Variants in DOCK3 observed in about 807,000 individuals in gnomAD.
DOCK3 encodes dedicator of cytokinesis protein 3.
Under a neutral mutation model 265.6 loss-of-function variants are expected in DOCK3, and 60 were observed. That is an observed-to-expected ratio of 0.23 (90% confidence interval 0.18 to 0.28). DOCK3 has a LOEUF of 0.28. Among genes scored for constraint, DOCK3 ranks in the 10% least tolerant of loss-of-function variants. DOCK3 has a pLI of 1.00. For synonymous variants in DOCK3, 881 were observed against 938.0 expected, an observed-to-expected ratio of 0.94 and a Z score of 1.11; for missense variants, 1,981 against 2,594.3, an observed-to-expected ratio of 0.76 and a Z score of 5.14.
chr3:50,889,171 A>G (rs1403140214), intron 3 of DOCK3, among the ~76,000 whole-genome samples: 2 of 148,848 alleles, frequency 1.3e-5, no homozygotes, highest in Non-Finnish European at 1.5e-5. Flanking sequence ...ATCATAGCTC[A>G]CTGTAGCCCC....
At chr3:51,154,801 A>G (rs1026147709) in intron 10 of DOCK3, among the ~76,000 whole-genome samples, 4 of 152,120 alleles carry the variant, frequency 2.6e-5, no homozygotes, top group African/African-American at 7.2e-5. Context: ...TAAAATTTTC[A>G]TTTAGCATTT....
At chr3:51,249,568 G>A (rs200729815) in intron 22 of DOCK3, among the ~76,000 whole-genome samples, 46,598 of 58,388 alleles carry the variant, frequency 0.8, 19,294 homozygotes, top group African/African-American at 0.9. Flanking sequence ...TCAGCCCCCC[G>A]CCCGGCCAGC....
chr3:50,743,072 A>T (rs1342255594), intron 1 of DOCK3, among the ~76,000 whole-genome samples: 1 of 151,976 alleles, frequency 6.6e-6, no homozygotes, highest in Non-Finnish European at 1.5e-5. Context: ...TCAACCCAGA[A>T]TTTCATATCC....
intron 12 of DOCK3, among the ~76,000 whole-genome samples, chr3:51,173,850 T>C (rs2107654814): frequency 6.6e-6 from 1 of 152,316 alleles, no homozygotes; most frequent in South Asian, 2.1e-4. Flanking sequence ...ATCTCTCCTA[T>C]GATTTAGAAC....
intron 35 of DOCK3, among the ~76,000 whole-genome samples, chr3:51,334,228 C>T (rs543838514): frequency 1.6e-4 from 25 of 152,302 alleles, no homozygotes; most frequent in African/African-American, 5.8e-4. Context: ...AATGAAGCCA[C>T]AACTGCAGCC....
intron 1 of DOCK3, among the ~76,000 whole-genome samples, chr3:50,692,717 A>C (rs975433981): frequency 6.6e-6 from 1 of 152,200 alleles, no homozygotes; most frequent in Admixed American, 6.5e-5. Context: ...CCTTCGATGC[A>C]TGAAAGTTTT....
chr3:51,238,899 G>T (rs898408186), intron 21 of DOCK3, among the ~76,000 whole-genome samples: 2 of 152,104 alleles, frequency 1.3e-5, no homozygotes, highest in Non-Finnish European at 2.9e-5. Context: ...TTGCCATTGT[G>T]AACAGTGCTG....
intron 5 of DOCK3, among the ~76,000 whole-genome samples, chr3:50,989,507 A>G (rs1208362655): frequency 2.0e-5 from 3 of 152,214 alleles, no homozygotes; most frequent in Non-Finnish European, 4.4e-5. Flanking sequence ...CCTAAGTGCC[A>G]CCAACTGGAT....
chr3:50,833,440 G>A (rs1398657132), intron 2 of DOCK3, among the ~76,000 whole-genome samples: 2 of 152,080 alleles, frequency 1.3e-5, no homozygotes, highest in African/African-American at 4.8e-5. Context: ...TTTTCACATA[G>A]GCTTTTTAAA....
chr3:51,381,737 C>T lies in DOCK3; in HGVS notation c.*178C>T. On this transcript the variant is annotated 3_prime_UTR_variant, in exon 53 of 53. Coordinates refer to ENST00000266037, the MANE Select transcript of DOCK3 (RefSeq NM_004947.5). This position sits in a 1 kb window ranked among gnomAD's most constrained non-coding sequence, Gnocchi z 5.6. Reference sequence around the variant, plus strand: ...ACTCATGTGTTGCCATGTACAGAGGCCACAGCAGCATGAAGGGTTGTGGCT... The same window carrying T: ...ACTCATGTGTTGCCATGTACAGAGGTCACAGCAGCATGAAGGGTTGTGGCT... The T allele has an allele frequency of 1.3e-6, 1 of 744,770 alleles. No homozygotes were observed. Among genetic ancestry groups the T allele is most frequent in the Non-Finnish European group, 2.0e-6 (1 of 503,856 alleles). The allele number at this position is 744,770 out of a possible 1,614,324, so 46.1% of individuals were successfully genotyped here. A position where few individuals can be genotyped will look rare whatever the true frequency, so the allele number is the denominator to read the frequency against.
chr3:50,911,427 T>A (rs1187472837), intron 4 of DOCK3, among the ~76,000 whole-genome samples: 1 of 152,140 alleles, frequency 6.6e-6, no homozygotes, highest in African/African-American at 2.4e-5. Flanking sequence ...CTTTCTCCAA[T>A]GTATGTTTTT....
At chr3:50,814,630 T>C (rs769878285) in intron 2 of DOCK3, among the ~76,000 whole-genome samples, 1 of 152,164 alleles carries the variant, frequency 6.6e-6, no homozygotes, top group Non-Finnish European at 1.5e-5. Context: ...GTTTCTTTTC[T>C]GTTCTATAAT....
chr3:50,763,890 A>G (rs944076974), intron 1 of DOCK3, among the ~76,000 whole-genome samples: 4 of 152,166 alleles, frequency 2.6e-5, no homozygotes, highest in East Asian at 1.9e-4. Context: ...ATATTGGTCT[A>G]TATGTATACA....
At chr3:51,377,350 T>C (rs1228629124) in intron 51 of DOCK3, among the ~76,000 whole-genome samples, 1 of 152,250 alleles carries the variant, frequency 6.6e-6, no homozygotes, top group East Asian at 1.9e-4. Flanking sequence ...ACCTGGATCC[T>C]CCAGGGCAGG....
chr3:51,330,011 G>T, intron 32 of DOCK3, 127 bp from the exon 33 acceptor site: 1 of 911,270 alleles, frequency 1.1e-6, no homozygotes. Context: ...ACCTTCCCTG[G>T]GATTTCTTTG....
At chr3:51,091,534 T>C (rs2082635583) in intron 9 of DOCK3, among the ~76,000 whole-genome samples, 3 of 151,860 alleles carry the variant, frequency 2.0e-5, no homozygotes, top group South Asian at 4.2e-4. Context: ...ATACAAAAAA[T>C]TAGCTGGGCG....
At chr3:51,075,104 G>A (rs568469767) in intron 6 of DOCK3, among the ~76,000 whole-genome samples, 2 of 152,244 alleles carry the variant, frequency 1.3e-5, no homozygotes, top group South Asian at 4.1e-4. Context: ...CTGATATAAT[G>A]TAATACTGAA....
At chr3:51,261,850 G>C (rs1457953309) in intron 23 of DOCK3, among the ~76,000 whole-genome samples, 1 of 152,182 alleles carries the variant, frequency 6.6e-6, no homozygotes, top group Non-Finnish European at 1.5e-5. Context: ...ACTGTAGCCA[G>C]ACTGCCTCTC....
chr3:50,705,011 C>T (rs1018200864), intron 1 of DOCK3, among the ~76,000 whole-genome samples: 17 of 147,258 alleles, frequency 1.2e-4, no homozygotes, highest in African/African-American at 4.2e-4. Flanking sequence ...TCTCCATTTG[C>T]TACTTGCTAC....
Sources: allele counts gnomAD v4.1 joint callset (sites outside exome capture counted in the v4.1 genomes callset), GRCh38; gene constraint gnomAD v4.1.1; non-coding constraint Gnocchi (gnomAD v3.1); transcripts MANE v1.5; gene names NCBI Gene and HGNC (gene_info 2026-07-23, HGNC 2026-07-21).